Variants in CHST9 observed in about 807,000 individuals in gnomAD.
The protein encoded by CHST9 is GalNAc-4-sulfotransferase 2.
A neutral mutation model predicts 44.4 loss-of-function variants in CHST9; 41 were observed. The ratio of observed to expected loss-of-function variants is 0.92; its 90% confidence interval spans 0.72 to 1.20. CHST9 has a LOEUF of 1.20. Ranked by LOEUF, CHST9 falls within the 50% of genes most tolerant of loss-of-function variation. The probability of loss-of-function intolerance (pLI) is 0.00; values close to 1 mark genes in which losing one functional copy is unlikely to be tolerated. For missense variants in CHST9, 504 were observed against 516.5 expected (o/e 0.98, Z 0.23); for synonymous variants, 171 against 178.4 (o/e 0.96, Z 0.33).
chr18:26,962,057 T>G (rs377579521), intron 4 of CHST9, among the ~76,000 whole-genome samples: 58 of 152,264 alleles, frequency 3.8e-4, no homozygotes, highest in African/African-American at 1.1e-3. Context: ...CAGTCTCCAT[T>G]CAGATGAAGA....
chr18:26,936,711 T>C (rs966495160), intron 5 of CHST9: 2 of 152,044 alleles, frequency 1.3e-5, no homozygotes, highest in African/African-American at 2.4e-5. Flanking sequence ...CTGGTACAGA[T>C]GCTAGCAAGC....
intron 4 of CHST9, among the ~76,000 whole-genome samples, chr18:27,023,217 ATAC>A (rs1237216329): frequency 6.6e-6 from 1 of 152,228 alleles, no homozygotes; most frequent in Non-Finnish European, 1.5e-5. Context: ...TAAAGTAAAC[ATAC>A]TACTGTCATC....
chr18:27,106,757 T>G (rs1281694285), intron 2 of CHST9, among the ~76,000 whole-genome samples: 1 of 152,214 alleles, frequency 6.6e-6, no homozygotes, highest in Non-Finnish European at 1.5e-5. Context: ...ATTTTCTTTC[T>G]TAATTTTGAT....
At chr18:27,075,806 T>TA (rs935388325) in intron 2 of CHST9, among the ~76,000 whole-genome samples, 8 of 151,972 alleles carry the variant, frequency 5.3e-5, no homozygotes, top group East Asian at 1.9e-4. Flanking sequence ...CCTAAATATT[T>TA]AAAAAAAATC....
intron 2 of CHST9, among the ~76,000 whole-genome samples, chr18:27,065,953 A>G (rs1251603931): frequency 6.6e-6 from 1 of 152,196 alleles, no homozygotes; most frequent in African/African-American, 2.4e-5. Context: ...GAGGTAAAAC[A>G]TGGAGTAGGA....
At position 27,057,956 on chromosome 18, in the gene CHST9, C is replaced by T. The variant is rs185144744; in HGVS notation, c.122-9453G>A. Among the ~76,000 whole-genome samples, 564 of 152,340 alleles carry T rather than the reference C, an allele frequency of 3.7e-3. 1 individual carries two copies. The highest frequency in any genetic ancestry group is 0.01 in the Middle Eastern group (3 of 294). The stretch of plus-strand genomic sequence containing the variant: ...ACGTAATTAATGTGACAAACAACAG[C>T]CCCTTTCAGATTCCCAACATTGGTC... On this transcript the variant is annotated intron_variant, in intron 2 of 5. Coordinates refer to ENST00000618847, the MANE Select transcript of CHST9 (RefSeq NM_031422.6).
chr18:26,995,162 G>A (rs1342737230), intron 4 of CHST9, among the ~76,000 whole-genome samples: 16 of 149,994 alleles, frequency 1.1e-4, no homozygotes, highest in Admixed American at 7.4e-4. Context: ...AGTGGCTCAC[G>A]CCTGTAATCC....
At chr18:27,158,954 C>T (rs1443872831) in intron 1 of CHST9, among the ~76,000 whole-genome samples, 2 of 152,138 alleles carry the variant, frequency 1.3e-5, no homozygotes, top group African/African-American at 2.4e-5. Context: ...TTTGATGGGG[C>T]TGTTTGTTTT....
intron 5 of CHST9, 120 bp from the exon 6 acceptor site, chr18:26,917,470 GC>G: frequency 8.4e-7 from 1 of 1,184,108 alleles, no homozygotes; most frequent in Non-Finnish European, 1.2e-6. Context: ...CATATAAGCT[GC>G]CAGAACAATT....
intron 2 of CHST9, among the ~76,000 whole-genome samples, chr18:27,111,981 G>C (rs1359138050): frequency 6.6e-6 from 1 of 151,984 alleles, no homozygotes; most frequent in African/African-American, 2.4e-5. Context: ...CCAGCTTACA[G>C]ATGGCAGATC....
chr18:27,172,834 G>T (rs931021932), intron 1 of CHST9, among the ~76,000 whole-genome samples: 2 of 151,786 alleles, frequency 1.3e-5, no homozygotes, highest in Non-Finnish European at 2.9e-5. Context: ...TTATTATATT[G>T]TACATTAAGA....
chr18:27,125,192 T>G (rs2058409625), intron 2 of CHST9, among the ~76,000 whole-genome samples: 1 of 152,222 alleles, frequency 6.6e-6, no homozygotes, highest in Non-Finnish European at 1.5e-5. Flanking sequence ...TTAAGTATAT[T>G]TCATATGATA....
chr18:27,024,926 A>G (rs561650869), intron 3 of CHST9, among the ~76,000 whole-genome samples: 1 of 152,044 alleles, frequency 6.6e-6, no homozygotes, highest in Non-Finnish European at 1.5e-5. Context: ...CTAGTCACCT[A>G]TGGGGAGAGA....
At chr18:26,942,832 C>T (rs183723910) in intron 5 of CHST9, among the ~76,000 whole-genome samples, 371 of 152,168 alleles carry the variant, frequency 2.4e-3, no homozygotes, top group Middle Eastern at 3.4e-3. Context: ...AACTAAGGGC[C>T]GGCGTGGTGG....
Position 27,083,881 on chromosome 18 carries a change from A to G in CHST9, c.122-35378T>C, listed in dbSNP as rs35099730. Reference sequence around the variant, plus strand: ...TTGAATTTTATTGAAAGCCCTTTCTATATCTATTGAGATAATCATGTAGTC... The same window carrying G: ...TTGAATTTTATTGAAAGCCCTTTCTGTATCTATTGAGATAATCATGTAGTC... On this transcript the variant is annotated intron_variant, in intron 2 of 5. Coordinates refer to ENST00000618847, the MANE Select transcript of CHST9 (RefSeq NM_031422.6). Among the ~76,000 whole-genome samples, 722 of 152,182 alleles carry G rather than the reference A, an allele frequency of 4.7e-3. 6 individuals are homozygous for G. The highest frequency in any genetic ancestry group is 0.01 in the Middle Eastern group (3 of 294).
chr18:27,107,543 G>A (rs1378241851), intron 2 of CHST9, among the ~76,000 whole-genome samples: 1 of 152,154 alleles, frequency 6.6e-6, no homozygotes, highest in Non-Finnish European at 1.5e-5. Flanking sequence ...TGACATGCAG[G>A]CTTAGGTAAT....
At chr18:27,031,956 C>A (rs1241546992) in intron 3 of CHST9, among the ~76,000 whole-genome samples, 2 of 152,162 alleles carry the variant, frequency 1.3e-5, no homozygotes, top group Admixed American at 1.3e-4. Context: ...CTGCTCTTAA[C>A]CTTACCACGC....
chr18:26,942,194 T>C (rs2056093360), intron 5 of CHST9, among the ~76,000 whole-genome samples: 1 of 152,226 alleles, frequency 6.6e-6, no homozygotes, highest in East Asian at 1.9e-4. Flanking sequence ...TTCTTGACTC[T>C]CTGCCAGAGT....
chr18:27,154,929 A>T (rs2058686596), intron 1 of CHST9, among the ~76,000 whole-genome samples: 1 of 151,956 alleles, frequency 6.6e-6, no homozygotes, highest in Admixed American at 6.6e-5. Flanking sequence ...CTAAAAATAC[A>T]AAAATTAGCT....
Sources: gnomAD v4.1 joint callset for allele counts (sites outside exome capture counted in the v4.1 genomes callset) on GRCh38, gnomAD v4.1.1 for gene constraint, MANE v1.5 for transcripts, NCBI Gene and HGNC (gene_info 2026-07-23, HGNC 2026-07-21) for gene names.